GPCPD1: variants seen among roughly 807,000 people sequenced by gnomAD.
The protein encoded by GPCPD1 is glycerophosphocholine phosphodiesterase GPCPD1.
Under a neutral mutation model 89.2 loss-of-function variants are expected in GPCPD1, and 29 were observed. That is an observed-to-expected ratio of 0.33 (90% CI 0.24 to 0.44). The LOEUF (loss-of-function observed/expected upper bound fraction) is 0.44, where lower values mean the gene tolerates loss of function less well. Ranked by LOEUF, GPCPD1 falls within the 20% of genes least tolerant of loss-of-function variation. The pLI is 1.00. For missense variants in GPCPD1, 594 were observed against 808.9 expected, an observed-to-expected ratio of 0.73 and a Z score of 3.22; for synonymous variants, 258 against 266.3, an observed-to-expected ratio of 0.97 and a Z score of 0.30.
chr20:5,575,335 CT>C, intron 10 of GPCPD1, 77 bp downstream of exon 10: 1 of 1,009,088 alleles, frequency 9.9e-7, no homozygotes, highest in Non-Finnish European at 1.5e-6. Flanking sequence ...ATCATTTGAC[CT>C]TTGCTGAGAA....
Position 5,570,200 on chromosome 20 carries a change from C to A in GPCPD1, c.1096G>T (p.Asp366Tyr). ...FVEFDVHLSK[D>Y]FVPVVYHDLT... ...TCATGATATACCACGGGCACAAAGT[C>A]CTTTGAAAGGTGTACGTCAAATTCT... Residue 366 changes from aspartate (D) to tyrosine (Y), a missense_variant, in exon 12 of 20, where the codon GAC becomes TAC. Transcript: ENST00000379019. The A allele has an allele frequency of 6.3e-7, 1 of 1,598,120 alleles. No individual in the cohort carries two copies. The highest frequency in any genetic ancestry group is 1.1e-5 in the South Asian group (1 of 90,442).
At chr20:5,607,058 G>A (rs369573913) in intron 1 of GPCPD1, among the ~76,000 whole-genome samples, 12 of 152,190 alleles carry the variant, frequency 7.9e-5, no homozygotes, top group East Asian at 7.7e-4. Flanking sequence ...AAGCCGAGGC[G>A]GGTGGATCAC....
rs1985593459 is a variant in GPCPD1, at chr20:5,553,958, G to GAAC, written c.1829+3984_1829+3986dup. ...GATCACTTAACAAAGTGGCTACATT[G>GAAC]AACAACAGATTTTCTTTTCTTTTTT... On this transcript the variant is annotated intron_variant, in intron 19 of 19. Coordinates refer to ENST00000379019, the MANE Select transcript of GPCPD1 (RefSeq NM_019593.5). 4.6e-5 allele frequency among the ~76,000 whole-genome samples: 4 copies of GAAC among 87,542 alleles called. 1 individual carries two copies. The South Asian group carries it at 1.3e-3, about 29-fold the overall frequency. The allele number at this position is 87,542 out of a possible 152,430, so 57.4% of individuals were successfully genotyped here. A position where few individuals can be genotyped will look rare whatever the true frequency, so the allele number is the denominator to read the frequency against.
At chr20:5,564,083 T>C (rs566935780) in intron 15 of GPCPD1, among the ~76,000 whole-genome samples, 11 of 152,212 alleles carry the variant, frequency 7.2e-5, no homozygotes, top group African/African-American at 2.4e-4. Context: ...CTGGAGTCGG[T>C]GGAACAAAAG....
At chr20:5,570,313 A>C in intron 11 of GPCPD1, 74 bp from the exon 12 acceptor site, 1 of 730,766 alleles carries the variant, frequency 1.4e-6, no homozygotes, top group Non-Finnish European at 2.4e-6. Context: ...GAACGTAAGA[A>C]ATTTTTGTTC....
intron 19 of GPCPD1, among the ~76,000 whole-genome samples, chr20:5,554,177 G>A (rs1425650723): frequency 1.5e-5 from 2 of 136,984 alleles, no homozygotes; most frequent in Non-Finnish European, 3.1e-5. Context: ...GTAGAGACGG[G>A]TTTTCACCGT....
rs1468072844 is a variant in GPCPD1, at chr20:5,545,618, G to A, written c.*2043C>T. ...AGGGACAGGGTGGCTGAAGCAGGGT[G>A]TAAAAGGCAACAGCTAGTGATACGA... On this transcript the variant is annotated 3_prime_UTR_variant, in exon 20 of 20. Coordinates refer to ENST00000379019, the MANE Select transcript of GPCPD1 (RefSeq NM_019593.5). The A allele has an allele frequency of 1.3e-5, 2 of 152,416 alleles. No individual in the cohort carries two copies. The highest frequency in any genetic ancestry group is 3.8e-4 in the East Asian group (2 of 5,198). 9.4% of individuals were successfully genotyped at this position (152,416 alleles called of 1,614,324 possible).
chr20:5,561,051 A>C (rs1284014075), intron 16 of GPCPD1, among the ~76,000 whole-genome samples: 2 of 152,268 alleles, frequency 1.3e-5, no homozygotes, highest in Non-Finnish European at 2.9e-5. Context: ...AGTGATTTAA[A>C]ACAATTGCAG....
At chr20:5,583,146 C>T (rs1263166082) in intron 6 of GPCPD1, among the ~76,000 whole-genome samples, 2 of 148,084 alleles carry the variant, frequency 1.4e-5, no homozygotes, top group Non-Finnish European at 3.0e-5. Context: ...ATCGCTTGAA[C>T]CTGGGAGGCA....
chr20:5,587,740 T>G (rs1979027995), intron 4 of GPCPD1, among the ~76,000 whole-genome samples: 1 of 152,192 alleles, frequency 6.6e-6, no homozygotes, highest in Non-Finnish European at 1.5e-5. Context: ...TGGATTAAAA[T>G]ATTCTCCTAC....
chr20:5,561,054 A>T (rs1223969776), intron 16 of GPCPD1, among the ~76,000 whole-genome samples: 2 of 152,232 alleles, frequency 1.3e-5, no homozygotes, highest in Non-Finnish European at 2.9e-5. Context: ...GATTTAAAAC[A>T]ATTGCAGAAA....
At position 5,544,654 on chromosome 20, in the gene GPCPD1, A is replaced by G. The variant is rs554298768; in HGVS notation, c.*3007T>C. 1 of 152,370 alleles carries G rather than the reference A, an allele frequency of 6.6e-6. No homozygotes were observed. Among genetic ancestry groups the G allele is most frequent in the South Asian group, 2.1e-4 (1 of 4,824 alleles). The allele number at this position is 152,370 out of a possible 1,614,324, so 9.4% of individuals were successfully genotyped here. ...TTGAGAACATGGGATTCAGAGTCAC[A>G]AAACCCACATCCTAGTCCCAACCCA... On this transcript the variant is annotated 3_prime_UTR_variant, in exon 20 of 20. Coordinates refer to ENST00000379019, the MANE Select transcript of GPCPD1 (RefSeq NM_019593.5).
chr20:5,607,717 G>A (rs752946849), intron 1 of GPCPD1, among the ~76,000 whole-genome samples: 4 of 151,882 alleles, frequency 2.6e-5, no homozygotes, highest in Non-Finnish European at 5.9e-5. Context: ...CGAGCACTTT[G>A]GGAGGCATGA....
rs1276726758 is a variant in GPCPD1 at position 5,547,555 on chromosome 20, T to C, written c.*106A>G. The C allele has an allele frequency of 1.6e-5, 9 of 578,554 alleles. No homozygotes were observed. Among genetic ancestry groups the C allele is most frequent in the South Asian group, 3.1e-5 (1 of 31,878 alleles). The allele number at this position is 578,554 out of a possible 1,614,324, so 35.8% of individuals were successfully genotyped here. A position where few individuals can be genotyped will look rare whatever the true frequency, so the allele number is the denominator to read the frequency against. Reference sequence around the variant, plus strand: ...AGTTAAATACTTCATTATTGCTTCATTGAACTGAGAAGCCCAAAAGGCATA... The same window carrying C: ...AGTTAAATACTTCATTATTGCTTCACTGAACTGAGAAGCCCAAAAGGCATA... On this transcript the variant is annotated 3_prime_UTR_variant, in exon 20 of 20. Transcript: ENST00000379019.
Position 5,567,562 on chromosome 20 carries a change from TAAAAAA to T in GPCPD1, c.1150-8_1150-3del, listed in dbSNP as rs11475275. 1.2e-5 allele frequency: 16 copies of T among 1,296,978 alleles called. No homozygotes were observed. The highest frequency in any genetic ancestry group is 1.4e-5 in the Non-Finnish European group (14 of 975,628). The allele number at this position is 1,296,978 out of a possible 1,614,324, so 80.3% of individuals were successfully genotyped here. On this transcript the variant is annotated splice_region_variant and splice_polypyrimidine_tract_variant and intron_variant, in intron 12 of 19. Transcript: ENST00000379019. ...TTCAACTGGATCAGCATCAAATTTCTAAAAAAAAAAAAAAAAGAAAGAAAGAAAAAG... is the reference window on the plus strand; with the variant it reads ...TTCAACTGGATCAGCATCAAATTTCTAAAAAAAAAAGAAAGAAAGAAAAAG...
At chr20:5,571,404 G>T (rs1408469401) in intron 11 of GPCPD1, among the ~76,000 whole-genome samples, 1 of 152,082 alleles carries the variant, frequency 6.6e-6, no homozygotes, top group Admixed American at 6.5e-5. Context: ...TTTAGTAGAA[G>T]ACAAAACTTA....
chr20:5,601,494 G>A (rs180857763), intron 2 of GPCPD1, among the ~76,000 whole-genome samples: 42 of 147,524 alleles, frequency 2.8e-4, no homozygotes, highest in African/African-American at 7.5e-4. Flanking sequence ...TCAGCCTCCC[G>A]AGTAGCTGGG....
chr20:5,576,001 A>C, intron 8 of GPCPD1, 23 bp from the exon 9 acceptor site: 1 of 1,470,492 alleles, frequency 6.8e-7, no homozygotes, highest in Non-Finnish European at 9.4e-7. Flanking sequence ...GATTTAAAAT[A>C]ATCTTAATTT....
intron 8 of GPCPD1, 90 bp from the exon 9 acceptor site, chr20:5,576,068 C>G: frequency 1.8e-6 from 1 of 558,078 alleles, no homozygotes; most frequent in Non-Finnish European, 3.2e-6. Context: ...CACAGACACA[C>G]ACACACATAT....
Sources: allele counts gnomAD v4.1 joint callset (sites outside exome capture counted in the v4.1 genomes callset), GRCh38; gene constraint gnomAD v4.1.1; transcripts MANE v1.5; gene names NCBI Gene and HGNC (gene_info 2026-07-23, HGNC 2026-07-21).